The following EYS variants were observed in gnomAD, a reference collection of about 807,000 sequenced individuals.
The protein encoded by EYS is EGF-like photoreceptor maintenance factor.
In EYS, 250 loss-of-function variants were observed where a neutral mutation model predicts 282.1. That is an observed-to-expected ratio of 0.89 (90% CI 0.80 to 0.98). EYS has a LOEUF of 0.98. EYS is among the 50% of genes least tolerant of loss of function. The pLI is 0.00. For synonymous variants in EYS, 1,355 were observed against 1,282.9 expected, an observed-to-expected ratio of 1.06 and a Z score of -1.20; for missense variants, 4,016 against 3,709.0, an observed-to-expected ratio of 1.08 and a Z score of -2.15.
intron 15 of EYS, among the ~76,000 whole-genome samples, chr6:64,944,416 G>A (rs897263603): frequency 9.9e-5 from 15 of 152,092 alleles, no homozygotes; most frequent in African/African-American, 3.6e-4. Flanking sequence ...ACTATCAACA[G>A]AGTAAACAGA....
chr6:65,192,586 TAG>T (rs1449198807), intron 12 of EYS, among the ~76,000 whole-genome samples: 1 of 151,756 alleles, frequency 6.6e-6, no homozygotes, highest in Non-Finnish European at 1.5e-5. Flanking sequence ...TTACTATTTT[TAG>T]AGTCCTTAAT....
chr6:65,695,106 T>C (rs1216028107), intron 1 of EYS, among the ~76,000 whole-genome samples: 1 of 152,104 alleles, frequency 6.6e-6, no homozygotes. Context: ...TACTGAAATA[T>C]AATATGCAAG....
intron 12 of EYS, among the ~76,000 whole-genome samples, chr6:65,162,951 CCAAA>C (rs1420190356): frequency 1.4e-5 from 2 of 141,504 alleles, no homozygotes; most frequent in African/African-American, 2.5e-5. Context: ...GTGTTCCCAA[CCAAA>C]CACATATTTT....
chr6:64,292,615 T>A (rs1315126681), intron 30 of EYS, among the ~76,000 whole-genome samples: 1 of 152,060 alleles, frequency 6.6e-6, no homozygotes, highest in Non-Finnish European at 1.5e-5. Flanking sequence ...ATATTTATAT[T>A]TACATCTTTG....
At chr6:65,073,599 A>T (rs923316436) in intron 12 of EYS, among the ~76,000 whole-genome samples, 4 of 151,718 alleles carry the variant, frequency 2.6e-5, no homozygotes, top group African/African-American at 9.7e-5. Flanking sequence ...TGAGGGCAAT[A>T]TATGAACAAA....
chr6:65,433,475 C>G (rs1014495057), intron 5 of EYS, among the ~76,000 whole-genome samples: 1 of 151,960 alleles, frequency 6.6e-6, no homozygotes, highest in African/African-American at 2.4e-5. Context: ...CTTTTCAGTG[C>G]TTTAAATTTG....
At chr6:64,944,207 C>T (rs555771547) in intron 15 of EYS, among the ~76,000 whole-genome samples, 2 of 152,106 alleles carry the variant, frequency 1.3e-5, no homozygotes, top group African/African-American at 4.8e-5. Flanking sequence ...TTACTATACA[C>T]AGAAAAGTAA....
At chr6:64,290,915 C>A in intron 30 of EYS, among the ~76,000 whole-genome samples, 1 of 151,126 alleles carries the variant, frequency 6.6e-6, no homozygotes, top group Middle Eastern at 3.2e-3. Flanking sequence ...TGGTTGTAAC[C>A]TGAAAGCAAC....
chr6:64,266,676 C>T (rs1231949223), intron 30 of EYS, among the ~76,000 whole-genome samples: 2 of 152,090 alleles, frequency 1.3e-5, no homozygotes, highest in African/African-American at 2.4e-5. Context: ...GGCAACCTCA[C>T]TCATCCAGAA....
At chr6:64,217,061 C>G (rs186329403) in intron 31 of EYS, among the ~76,000 whole-genome samples, 1 of 152,278 alleles carries the variant, frequency 6.6e-6, no homozygotes, top group African/African-American at 2.4e-5. Flanking sequence ...AATGATTTTA[C>G]TTACTGTTTA....
At chr6:64,322,367 AATAGACTG>A (rs1241685332) in intron 29 of EYS, among the ~76,000 whole-genome samples, 1 of 152,074 alleles carries the variant, frequency 6.6e-6, no homozygotes, top group Non-Finnish European at 1.5e-5. Context: ...AGTTTAAGGA[AATAGACTG>A]ATAGATTTCT....
intron 8 of EYS, among the ~76,000 whole-genome samples, chr6:65,374,763 A>G (rs186674072): frequency 6.6e-6 from 1 of 151,964 alleles, no homozygotes; most frequent in East Asian, 2.0e-4. Context: ...GTTTCCCCTG[A>G]CCCTTCTAAA....
At chr6:64,444,956 T>C (rs1698175268) in intron 26 of EYS, among the ~76,000 whole-genome samples, 2 of 152,242 alleles carry the variant, frequency 1.3e-5, no homozygotes, top group Non-Finnish European at 2.9e-5. Context: ...TGAGGAGATG[T>C]TGGTGCTATG....
At chr6:65,496,947 C>T (rs2127273635) in intron 2 of EYS, among the ~76,000 whole-genome samples, 1 of 151,978 alleles carries the variant, frequency 6.6e-6, no homozygotes, top group East Asian at 1.9e-4. Context: ...TATAAATTAC[C>T]TCTTTGCAAT....
chr6:64,172,040 G>GA (rs745459263), intron 31 of EYS, among the ~76,000 whole-genome samples: 30 of 152,106 alleles, frequency 2.0e-4, no homozygotes, highest in Non-Finnish European at 4.0e-4. Flanking sequence ...ATACTTGAAT[G>GA]AAAATTAGAA....
At chr6:65,420,943 G>C (rs140473271) in intron 5 of EYS, among the ~76,000 whole-genome samples, 2 of 151,838 alleles carry the variant, frequency 1.3e-5, no homozygotes, top group Non-Finnish European at 2.9e-5. Flanking sequence ...GCTGTAAACA[G>C]GTGTGTGGTC....
In EYS at chr6:65,495,617, GA is replaced by G; in HGVS notation, c.-197-11del. On this transcript the variant is annotated splice_polypyrimidine_tract_variant and intron_variant, in intron 3 of 42. Coordinates refer to ENST00000503581, the MANE Select transcript of EYS (RefSeq NM_001142800.2). ...AATGTTGTAAATATTCCTTTAAACA[GA>G]AAAAAACATATATTGTTAGTGAAGT... The G allele has an allele frequency of 1.7e-6, 1 of 603,926 alleles. No homozygotes were observed. The highest frequency in any genetic ancestry group is 2.9e-6 in the Non-Finnish European group (1 of 343,598). 37.4% of individuals were successfully genotyped at this position (603,926 alleles called of 1,614,324 possible). A position where few individuals can be genotyped will look rare whatever the true frequency, so the allele number is the denominator to read the frequency against.
chr6:64,405,459 G>A (rs148584094), intron 28 of EYS, among the ~76,000 whole-genome samples: 310 of 152,228 alleles, frequency 2.0e-3, no homozygotes, highest in African/African-American at 6.8e-3. Context: ...ATTCAACATA[G>A]TATTAGAAGT....
intron 30 of EYS, among the ~76,000 whole-genome samples, chr6:64,257,498 A>G (rs1431732317): frequency 6.6e-6 from 1 of 152,004 alleles, no homozygotes; most frequent in Admixed American, 6.6e-5. Context: ...TGCATATCAT[A>G]TATTATTAGA....
Sources: allele counts gnomAD v4.1 joint callset (sites outside exome capture counted in the v4.1 genomes callset), GRCh38; gene constraint gnomAD v4.1.1; transcripts MANE v1.5; gene names NCBI Gene and HGNC (gene_info 2026-07-23, HGNC 2026-07-21).